The following TAF1D variants were observed in gnomAD, a reference collection of about 807,000 sequenced individuals.
TAF1D encodes the protein TATA box-binding protein-associated factor RNA polymerase I subunit D.
A neutral mutation model predicts 26.2 loss-of-function variants in TAF1D; 23 were observed. That is an observed-to-expected ratio of 0.88 (90% CI 0.63 to 1.25). The LOEUF is 1.25. TAF1D is among the 50% of genes most tolerant of loss of function. TAF1D has a pLI of 0.00. For missense variants in TAF1D, 299 were observed against 322.0 expected (o/e 0.93, Z 0.55); for synonymous variants, 100 against 105.6 (o/e 0.95, Z 0.33).
chr11:93,734,161 T>C (rs762383282), downstream of TAF1D: 1 of 153,098 alleles, frequency 6.5e-6, no homozygotes, highest in Non-Finnish European at 1.5e-5. Context: ...TCAAAATTAA[T>C]TGTCATCCAT....
At position 93,735,961 on chromosome 11, in the gene TAF1D, G is replaced by T. The variant is rs1464067573; in HGVS notation, c.*200C>A. 1.6e-5 allele frequency: 22 copies of T among 1,336,396 alleles called. No individual in the cohort carries two copies. The highest frequency in any genetic ancestry group is 1.2e-4 in the African/African-American group (8 of 64,860). The allele number at this position is 1,336,396 out of a possible 1,614,324, so 82.8% of individuals were successfully genotyped here. On this transcript the variant is annotated 3_prime_UTR_variant, in exon 6 of 6. Coordinates refer to ENST00000448108, the MANE Select transcript of TAF1D (RefSeq NM_024116.4). ...ATGTATTTTCTCTGGTGTTTTAATG[G>T]TTTTTTTTCTAATTATTACTACTTC...
At position 93,737,014 on chromosome 11, in the gene TAF1D, AAATTT is replaced by A; in HGVS notation, c.635+45_635+49del. 2.8e-6 allele frequency: 4 copies of A among 1,436,262 alleles called. No individual in the cohort carries two copies. The South Asian group carries it at 5.8e-5, about 21-fold the overall frequency. The allele number at this position is 1,436,262 out of a possible 1,614,324, so 89.0% of individuals were successfully genotyped here. A position where few individuals can be genotyped will look rare whatever the true frequency, so the allele number is the denominator to read the frequency against. On this transcript the variant is annotated intron_variant, in intron 4 of 5. Coordinates refer to ENST00000448108, the MANE Select transcript of TAF1D (RefSeq NM_024116.4). ...GCAAAATATGAAGCAATTAACATAG[AAATTT>A]AATTTATAACCTATTACCAAAGTAT...
Position 93,736,222 on chromosome 11 carries a change from G to C in TAF1D, c.776C>G (p.Ala259Gly). Residue 259 changes from alanine to glycine, a missense_variant, in exon 6 of 6, where the codon GCT becomes GGT. By Grantham distance (60) the Ala-to-Gly change is moderately conservative. Coordinates refer to ENST00000448108, the MANE Select transcript of TAF1D (RefSeq NM_024116.4). ...TTTTGTAGCTCTCTTTTTAGACAAA[G>C]CAGCTTCTTCAGTAATATCCTCTTC... The part of the protein sequence containing the change: ...LEEEDITEEA[A>G]LSKKRATKAK... 6.2e-7 allele frequency: 1 copy of C among 1,613,186 alleles called. No individual in the cohort carries two copies. Among genetic ancestry groups the C allele is most frequent in the Non-Finnish European group, 8.5e-7 (1 of 1,179,654 alleles).
At chr11:93,740,288 T>C (rs1482161175) in intron 1 of TAF1D, among the ~76,000 whole-genome samples, 1 of 151,582 alleles carries the variant, frequency 6.6e-6, no homozygotes, top group Non-Finnish European at 1.5e-5. Context: ...TACAAAAAAT[T>C]CTTAAAATAC....
chr11:93,731,256 A>C (rs2135409183), downstream of TAF1D: 1 of 356,590 alleles, frequency 2.8e-6, no homozygotes, highest in South Asian at 2.2e-5. Context: ...ATTTACTATT[A>C]AGTACATAAA....
chr11:93,732,760 T>C (rs1480659251), downstream of TAF1D: 4 of 218,908 alleles, frequency 1.8e-5, no homozygotes, highest in South Asian at 6.2e-5. Flanking sequence ...GTCAAGCTCA[T>C]TGTTGCTCAA....
chr11:93,741,283 C>T (rs1251385413), intron 1 of TAF1D, 39 bp downstream of exon 1: 1 of 455,794 alleles, frequency 2.2e-6, no homozygotes, highest in Admixed American at 2.4e-5. Context: ...CCTCCCCCGC[C>T]CGCCAGGCCC....
intron 5 of TAF1D, 146 bp from the exon 6 acceptor site, chr11:93,736,450 T>G: frequency 7.0e-7 from 1 of 1,423,240 alleles, no homozygotes; most frequent in Non-Finnish European, 9.1e-7. Context: ...GCTTATTTTT[T>G]CATTTGACAT....
rs1942044862 is a variant in TAF1D at position 93,741,479 on chromosome 11, C to A, written c.-185G>T. ...CCGATAACCAGCCGACCTCCTCCAA[C>A]CGTGCGGAAGAAAAGGGTTGGCTAT... is the stretch of plus-strand genomic sequence containing the variant. On this transcript the variant is annotated 5_prime_UTR_variant, in exon 1 of 6. Coordinates refer to ENST00000448108, the MANE Select transcript of TAF1D (RefSeq NM_024116.4). The A allele has an allele frequency of 2.2e-6, 1 of 456,248 alleles. No homozygotes were observed. The highest frequency in any genetic ancestry group is 3.3e-4 in the Middle Eastern group (1 of 3,076). 28.3% of individuals were successfully genotyped at this position (456,248 alleles called of 1,614,324 possible).
At chr11:93,740,792 T>C (rs868413191) in intron 1 of TAF1D, among the ~76,000 whole-genome samples, 29 of 152,324 alleles carry the variant, frequency 1.9e-4, no homozygotes, top group South Asian at 4.1e-4. Context: ...TACCTGTAGT[T>C]AATTTTTTTT....
At chr11:93,733,751 G>A, downstream of TAF1D, 1 of 299,712 alleles carries the variant, frequency 3.3e-6, no homozygotes, top group South Asian at 3.4e-5. Context: ...TCAAACCGCT[G>A]GGCTCAAGTG....
downstream of TAF1D, chr11:93,735,273 TATCGTGGTGATCAAAATAATG>T: frequency 7.7e-7 from 1 of 1,301,770 alleles, no homozygotes. Flanking sequence ...TAGTCAGCTC[TATCGTGGTGATCAAAATAATG>T]AACATCGGGG....
intron 5 of TAF1D, 61 bp downstream of exon 5, chr11:93,736,633 C>G: frequency 6.3e-7 from 1 of 1,590,098 alleles, no homozygotes; most frequent in Non-Finnish European, 8.5e-7. Context: ...AATATAATTC[C>G]TTCTGTATCA....
At chr11:93,730,198 C>T in exon 12 of TAF1D, 2 of 1,551,228 alleles carry the variant, frequency 1.3e-6, no homozygotes, top group Non-Finnish European at 1.7e-6. Flanking sequence ...ATGAAGTACA[C>T]AACTGAAACT....
downstream of TAF1D, chr11:93,731,173 T>G (rs1200597527): frequency 8.6e-6 from 4 of 462,504 alleles, no homozygotes; most frequent in Admixed American, 1.1e-4. Context: ...GCTTCTGTCA[T>G]CTCGTTTTAA....
chr11:93,733,687 C>T (rs1463685379), downstream of TAF1D: 1 of 459,494 alleles, frequency 2.2e-6, no homozygotes, highest in African/African-American at 2.0e-5. Context: ...ATCACTTGAG[C>T]CCAGGGGTTC....
At chr11:93,730,768 G>C (rs1209130210), downstream of TAF1D, 2 of 438,542 alleles carry the variant, frequency 4.6e-6, no homozygotes, top group African/African-American at 4.1e-5. Context: ...AGTGTACAGT[G>C]AGTGAACATG....
chr11:93,737,271 GATTTT>G (rs755208745), intron 3 of TAF1D, 32 bp from the exon 4 acceptor site: 4 of 1,502,878 alleles, frequency 2.7e-6, no homozygotes, highest in South Asian at 2.7e-5. Context: ...AGTATGTCGA[GATTTT>G]ATTTTTAAGA....
chr11:93,740,681 G>A (rs947858404), intron 1 of TAF1D, among the ~76,000 whole-genome samples: 1 of 152,024 alleles, frequency 6.6e-6, no homozygotes, highest in Admixed American at 6.6e-5. Context: ...CTGGTACAAG[G>A]TCTTACTAGT....
Sources: allele counts gnomAD v4.1 joint callset (sites outside exome capture counted in the v4.1 genomes callset), GRCh38; gene constraint gnomAD v4.1.1; transcripts MANE v1.5; gene names NCBI Gene and HGNC (gene_info 2026-07-23, HGNC 2026-07-21).